ASCC3: variants seen among roughly 807,000 people sequenced by gnomAD.
ASCC3 encodes activating signal cointegrator 1 complex subunit 3.
In ASCC3, 158 loss-of-function variants were observed where a neutral mutation model predicts 256.3. That is an observed-to-expected ratio of 0.62 (90% CI 0.54 to 0.70). The LOEUF (loss-of-function observed/expected upper bound fraction) is 0.70. ASCC3 is among the 30% of genes least tolerant of loss of function. The pLI is 0.00. For synonymous variants in ASCC3, 948 were observed against 883.4 expected (o/e 1.07, Z -1.30); for missense variants, 2,259 against 2,626.0 (o/e 0.86, Z 3.05).
At chr6:100,674,971 T>A (rs1776935358) in intron 14 of ASCC3, among the ~76,000 whole-genome samples, 2 of 152,080 alleles carry the variant, frequency 1.3e-5, no homozygotes, top group African/African-American at 4.8e-5. Context: ...CCACTTTGTA[T>A]GTGATGAAAT....
At chr6:100,762,798 C>T (rs1226415080) in intron 10 of ASCC3, among the ~76,000 whole-genome samples, 1 of 151,934 alleles carries the variant, frequency 6.6e-6, no homozygotes, top group African/African-American at 2.4e-5. Context: ...GGACTTAATT[C>T]AATAAGCAAT....
chr6:100,662,291 G>A (rs1191111691), intron 15 of ASCC3, 54 bp downstream of exon 15: 28 of 1,557,320 alleles, frequency 1.8e-5, no homozygotes, highest in African/African-American at 2.7e-5. Context: ...TCAACCCAGA[G>A]CCTTGCTTTA....
intron 36 of ASCC3, among the ~76,000 whole-genome samples, chr6:100,554,341 G>C (rs1014975805): frequency 2.0e-5 from 3 of 152,138 alleles, no homozygotes; most frequent in South Asian, 4.2e-4. Flanking sequence ...GGAAAGACAC[G>C]ACCAGAATGG....
chr6:100,709,859 A>G (rs1778784624), intron 13 of ASCC3, among the ~76,000 whole-genome samples: 1 of 152,212 alleles, frequency 6.6e-6, no homozygotes, highest in Non-Finnish European at 1.5e-5. Context: ...GTAAAATAAT[A>G]GAAAACTATA....
Position 100,815,803 on chromosome 6 carries a change from A to T in ASCC3, c.802-9923T>A, listed in dbSNP as rs544192026. 2.6e-5 allele frequency among the ~76,000 whole-genome samples: 4 copies of T among 152,278 alleles called. No individual in the cohort carries two copies. The South Asian group carries it at 8.3e-4, about 32-fold the overall frequency. On this transcript the variant is annotated intron_variant, in intron 4 of 41. Coordinates refer to ENST00000369162, the MANE Select transcript of ASCC3 (RefSeq NM_006828.4). ...GATTAAAGACTTAAATGTAAAACCT[A>T]AAACTATAAAAATCCTGGAAGACAA...
chr6:100,602,003 CAT>C, intron 33 of ASCC3, 68 bp from the exon 34 acceptor site: 2 of 1,539,930 alleles, frequency 1.3e-6, no homozygotes, highest in Non-Finnish European at 1.8e-6. Context: ...ATTTATCTCA[CAT>C]AGTCAAGATT....
At chr6:100,723,904 T>TATATATA (rs1779487698) in intron 11 of ASCC3, among the ~76,000 whole-genome samples, 1 of 130,532 alleles carries the variant, frequency 7.7e-6, no homozygotes, top group Admixed American at 8.3e-5. Context: ...ATATTTATAA[T>TATATATA]TATATATATG....
intron 10 of ASCC3, among the ~76,000 whole-genome samples, chr6:100,737,674 G>C (rs546008967): frequency 1.3e-5 from 2 of 152,286 alleles, no homozygotes; most frequent in East Asian, 3.9e-4. Context: ...ATTGTGAACA[G>C]TGATACAGTG....
At chr6:100,582,682 C>A (rs1339176685) in intron 36 of ASCC3, among the ~76,000 whole-genome samples, 1 of 151,560 alleles carries the variant, frequency 6.6e-6, no homozygotes, top group Non-Finnish European at 1.5e-5. Context: ...AAAGGGAATG[C>A]TTCCAGTTTT....
chr6:100,820,493 A>G (rs904569563), intron 4 of ASCC3, among the ~76,000 whole-genome samples: 3 of 152,200 alleles, frequency 2.0e-5, no homozygotes, highest in Non-Finnish European at 4.4e-5. Context: ...ACTCAAATGA[A>G]TAAATGACCT....
In ASCC3 at chr6:100,848,327, A is replaced by C. The variant is rs1248397949; in HGVS notation, c.622T>G (p.Cys208Gly). 6.2e-7 allele frequency: 1 copy of C among 1,614,110 alleles called. No homozygotes were observed. The highest frequency in any genetic ancestry group is 1.1e-5 in the South Asian group (1 of 91,078). Residue 208 changes from cysteine (C) to glycine (G), a missense_variant, in exon 4 of 42, where the codon TGC (cysteine) becomes GGC (glycine). Physicochemically the swap from Cys to Gly is radical, Grantham distance 159. Around this residue, in one of 2 missense-constraint regions of ASCC3, gnomAD observed 420 missense variants for 419.3 expected, o/e 1.00. Coordinates refer to ENST00000369162, the MANE Select transcript of ASCC3 (RefSeq NM_006828.4). The part of the protein sequence containing the change: ...KFLNEHLQEA[C>G]TPELKPVEKT... ...TCCACAGGCTTGAGTTCTGGGGTGC[A>C]AGCCTCCTGGAGATGTTCATTCAGA...
At chr6:100,619,503 T>C (rs550337238) in intron 30 of ASCC3, among the ~76,000 whole-genome samples, 2 of 152,310 alleles carry the variant, frequency 1.3e-5, no homozygotes, top group East Asian at 1.9e-4. Flanking sequence ...ATTAACCATA[T>C]ATAAAATTGC....
At chr6:100,765,380 T>C (rs1781604564) in intron 10 of ASCC3, among the ~76,000 whole-genome samples, 1 of 152,166 alleles carries the variant, frequency 6.6e-6, no homozygotes, top group Non-Finnish European at 1.5e-5. Context: ...GAATTACTGA[T>C]AGAACAGACT....
chr6:100,850,526 C>T (rs1336880468), intron 3 of ASCC3, among the ~76,000 whole-genome samples: 2 of 152,160 alleles, frequency 1.3e-5, no homozygotes, highest in Non-Finnish European at 2.9e-5. Context: ...TTAAACTAGA[C>T]CCAGGCCTCA....
chr6:100,826,921 A>G (rs1252077981), intron 4 of ASCC3, among the ~76,000 whole-genome samples: 3 of 152,240 alleles, frequency 2.0e-5, no homozygotes, highest in Non-Finnish European at 2.9e-5. Flanking sequence ...ATTCTACATA[A>G]TTAAAATTAA....
chr6:100,864,776 C>T (rs192307450), intron 2 of ASCC3, among the ~76,000 whole-genome samples: 39 of 152,222 alleles, frequency 2.6e-4, no homozygotes, highest in African/African-American at 8.2e-4. Context: ...GTGGCTTAAA[C>T]AAGAGAAATT....
intron 32 of ASCC3, among the ~76,000 whole-genome samples, chr6:100,606,317 C>A (rs150472708): frequency 1.3e-3 from 203 of 152,130 alleles, no homozygotes; most frequent in African/African-American, 4.7e-3. Context: ...AGTCTTCATG[C>A]ATAAGTTGTA....
chr6:100,598,674 G>A (rs774221017), intron 34 of ASCC3, among the ~76,000 whole-genome samples: 16 of 151,992 alleles, frequency 1.1e-4, no homozygotes, highest in Non-Finnish European at 2.2e-4. Context: ...GTTCTGACCC[G>A]TGTCTCCAAC....
At chr6:100,838,638 A>G (rs541520923) in intron 4 of ASCC3, among the ~76,000 whole-genome samples, 1 of 152,220 alleles carries the variant, frequency 6.6e-6, no homozygotes, top group South Asian at 2.1e-4. Flanking sequence ...AACTTAATTA[A>G]GACAACTTGG....
Sources: allele counts gnomAD v4.1 joint callset (sites outside exome capture counted in the v4.1 genomes callset), GRCh38; gene constraint gnomAD v4.1.1; regional missense constraint gnomAD v4.1.1; transcripts MANE v1.5; gene names NCBI Gene and HGNC (gene_info 2026-07-23, HGNC 2026-07-21).